The following CDH18 variants were observed in gnomAD, a reference collection of about 807,000 sequenced individuals.
The protein encoded by CDH18 is cadherin-18.
CDH18 carries 31 observed loss-of-function variants against 67.9 expected under a neutral mutation model. That is an observed-to-expected ratio of 0.46 (90% CI 0.34 to 0.62). CDH18 has a LOEUF of 0.62. CDH18 is among the 20% of genes least tolerant of loss of function. The pLI is 0.01. For missense variants in CDH18, 890 were observed against 975.5 expected (o/e 0.91, Z 1.17); for synonymous variants, 362 against 347.2 (o/e 1.04, Z -0.48).
intron 1 of CDH18, among the ~76,000 whole-genome samples, chr5:20,497,920 A>C (rs898748176): frequency 1.1e-4 from 17 of 152,088 alleles, no homozygotes; most frequent in African/African-American, 4.1e-4. Context: ...ATGAGGATGG[A>C]GTCCCCATGA....
chr5:19,625,839 G>A (rs1751457884), intron 5 of CDH18, among the ~76,000 whole-genome samples: 1 of 152,006 alleles, frequency 6.6e-6, no homozygotes, highest in Admixed American at 6.6e-5. Context: ...CCTTTTCCTG[G>A]GTGGAACTTG....
At chr5:19,970,525 G>C (rs1297360403) in intron 2 of CDH18, among the ~76,000 whole-genome samples, 2 of 151,154 alleles carry the variant, frequency 1.3e-5, no homozygotes, top group Non-Finnish European at 3.0e-5. Context: ...ATATTATATA[G>C]GAAACTCCCT....
At chr5:19,742,734 A>ACTCTCT (rs146611270) in intron 4 of CDH18, among the ~76,000 whole-genome samples, 13 of 146,818 alleles carry the variant, frequency 8.9e-5, no homozygotes, top group African/African-American at 2.7e-4. Flanking sequence ...AAGTGCATTT[A>ACTCTCT]CTCTCTCTCT....
intron 1 of CDH18, among the ~76,000 whole-genome samples, chr5:20,351,160 T>TTGTGTGTG (rs375375615): frequency 0.01 from 1,378 of 132,144 alleles, 22 homozygotes; most frequent in African/African-American, 0.035. Flanking sequence ...GTAAATGTAT[T>TTGTGTGTG]TGTGTGTGTG....
intron 11 of CDH18, among the ~76,000 whole-genome samples, chr5:19,489,451 G>A (rs347752): frequency 0.14 from 20,873 of 151,742 alleles, 3,615 homozygotes; most frequent in African/African-American, 0.4. Flanking sequence ...GTTTCACCAT[G>A]TTGGCCAGGC....
chr5:20,518,344 T>C (rs114191553), intron 1 of CDH18, among the ~76,000 whole-genome samples: 205 of 152,232 alleles, frequency 1.3e-3, no homozygotes, highest in African/African-American at 4.7e-3. Flanking sequence ...TTGTGAGCAA[T>C]CTTAATCAGC....
chr5:20,335,820 A>G (rs759079383), intron 1 of CDH18, among the ~76,000 whole-genome samples: 10 of 152,208 alleles, frequency 6.6e-5, no homozygotes, highest in Non-Finnish European at 1.0e-4. Flanking sequence ...ATGTCATAAA[A>G]ATATTAAAGC....
chr5:19,685,022 A>G (rs1760877332), intron 5 of CDH18, among the ~76,000 whole-genome samples: 1 of 152,140 alleles, frequency 6.6e-6, no homozygotes, highest in East Asian at 1.9e-4. Context: ...CTTACGTGAC[A>G]TGTCCTAACC....
intron 1 of CDH18, among the ~76,000 whole-genome samples, chr5:20,569,933 A>C (rs79213206): frequency 0.025 from 3,799 of 152,238 alleles, 162 homozygotes; most frequent in African/African-American, 0.086. Context: ...CAGCAAACCT[A>C]CCTACCTTAT....
chr5:19,664,193 ACAAT>A (rs1189932974), intron 5 of CDH18, among the ~76,000 whole-genome samples: 1 of 151,916 alleles, frequency 6.6e-6, no homozygotes, highest in Non-Finnish European at 1.5e-5. Context: ...AGCCCTTTCA[ACAAT>A]CAGAGAAATT....
At chr5:19,583,820 T>C (rs1166543478) in intron 7 of CDH18, among the ~76,000 whole-genome samples, 1 of 152,160 alleles carries the variant, frequency 6.6e-6, no homozygotes, top group Non-Finnish European at 1.5e-5. Context: ...ATCTCCTAAA[T>C]GACAAGATCA....
At chr5:19,818,178 A>G (rs1779491373) in intron 3 of CDH18, among the ~76,000 whole-genome samples, 1 of 152,132 alleles carries the variant, frequency 6.6e-6, no homozygotes, top group Admixed American at 6.6e-5. Context: ...TGTCAACAGT[A>G]TTTTTCAATT....
rs746279051 is a variant in CDH18, at chr5:20,016,467, T to TTC, written c.-517-24454_-517-24453insGA. On this transcript the variant is annotated intron_variant, in intron 2 of 14. Transcript: ENST00000507958. ...TGTACCCCTGAACCAAAAATAAAAG[T>TTC]TTTTCAGAAAAAGAAAATAAAATGT... Among the ~76,000 whole-genome samples, 394 of 152,148 alleles carry TTC rather than the reference T, an allele frequency of 2.6e-3. 5 individuals are homozygous for TTC. Among genetic ancestry groups the TTC allele is most frequent in the Non-Finnish European group, 2.4e-3 (161 of 67,970 alleles).
At chr5:20,231,522 C>A (rs1008427811) in intron 2 of CDH18, among the ~76,000 whole-genome samples, 1 of 151,768 alleles carries the variant, frequency 6.6e-6, no homozygotes, top group African/African-American at 2.4e-5. Context: ...TCTCTTGAAC[C>A]CGGGAGGCGG....
At chr5:19,667,294 C>A (rs2150335660) in intron 5 of CDH18, among the ~76,000 whole-genome samples, 1 of 151,356 alleles carries the variant, frequency 6.6e-6, no homozygotes, top group Non-Finnish European at 1.5e-5. Flanking sequence ...TGTAAAATTG[C>A]AGTTGAACAA....
intron 9 of CDH18, 31 bp downstream of exon 9, chr5:19,543,838 A>G (rs1435270070): frequency 3.3e-6 from 5 of 1,496,632 alleles, no homozygotes; most frequent in Non-Finnish European, 3.6e-6. Flanking sequence ...TACAAGTGAC[A>G]TCTTTTACTG....
chr5:19,489,529 G>T (rs1030101110), intron 11 of CDH18, among the ~76,000 whole-genome samples: 7 of 151,988 alleles, frequency 4.6e-5, no homozygotes, highest in Non-Finnish European at 7.4e-5. Flanking sequence ...TTACAGGTGT[G>T]AGCCACCGCG....
intron 8 of CDH18, among the ~76,000 whole-genome samples, chr5:19,549,652 A>C (rs1736994239): frequency 7.3e-6 from 1 of 137,562 alleles, no homozygotes; most frequent in South Asian, 2.7e-4. Context: ...GGAGGGAGAG[A>C]GGGAAGGAAG....
At chr5:20,387,922 T>C (rs931795396) in intron 1 of CDH18, among the ~76,000 whole-genome samples, 9 of 152,210 alleles carry the variant, frequency 5.9e-5, no homozygotes, top group African/African-American at 2.2e-4. Context: ...GAAGCCCACT[T>C]GATCATGGTG....
Sources: gnomAD v4.1 joint callset for allele counts (sites outside exome capture counted in the v4.1 genomes callset) on GRCh38, gnomAD v4.1.1 for gene constraint, MANE v1.5 for transcripts, NCBI Gene and HGNC (gene_info 2026-07-23, HGNC 2026-07-21) for gene names.